APBB1IP: variants seen among roughly 807,000 people sequenced by gnomAD.
APBB1IP encodes amyloid beta A4 precursor protein-binding family B member 1-interacting protein.
Under a neutral mutation model 64.9 loss-of-function variants are expected in APBB1IP, and 27 were observed. The ratio of observed to expected loss-of-function variants is 0.42; its 90% CI spans 0.31 to 0.57. The LOEUF is 0.57. Among genes scored for constraint, APBB1IP ranks in the 20% least tolerant of loss-of-function variants. The pLI is 0.20. For synonymous variants in APBB1IP, 392 were observed against 331.0 expected, an observed-to-expected ratio of 1.18 and a Z score of -2.00; for missense variants, 812 against 845.5, an observed-to-expected ratio of 0.96 and a Z score of 0.49.
In APBB1IP at chr10:26,523,020, A is replaced by C. The variant is rs533733085; in HGVS notation, c.813+9360A>C. On this transcript the variant is annotated intron_variant, in intron 8 of 14. Coordinates refer to ENST00000376236, the MANE Select transcript of APBB1IP (RefSeq NM_019043.4). ...ATGAAACTCCATCTCCAAAAAAAAA[A>C]AAAAAAAAAAAACCAAGAAAAAAAC... 1.8e-3 allele frequency among the ~76,000 whole-genome samples: 276 copies of C among 151,536 alleles called. 1 individual carries two copies. Among genetic ancestry groups the C allele is most frequent in the African/African-American group, 6.1e-3 (251 of 41,364 alleles).
intron 13 of APBB1IP, 140 bp from the exon 14 acceptor site, chr10:26,562,186 T>TTA (rs1836981470): frequency 4.6e-6 from 3 of 658,592 alleles, no homozygotes. Flanking sequence ...TTGTTTTTAT[T>TTA]TTTGTTTTTT....
intron 9 of APBB1IP, among the ~76,000 whole-genome samples, chr10:26,533,828 A>T (rs1312616009): frequency 6.6e-6 from 1 of 152,092 alleles, no homozygotes; most frequent in Non-Finnish European, 1.5e-5. Flanking sequence ...TCAGACGTAA[A>T]AATTTCCAAA....
At chr10:26,475,082 G>A (rs182640806) in intron 2 of APBB1IP, among the ~76,000 whole-genome samples, 87 of 151,876 alleles carry the variant, frequency 5.7e-4, no homozygotes, top group African/African-American at 1.9e-3. Context: ...TTTGACTCTC[G>A]CTGATGTGTC....
At chr10:26,450,333 G>C (rs944297816) in intron 2 of APBB1IP, among the ~76,000 whole-genome samples, 3 of 152,120 alleles carry the variant, frequency 2.0e-5, no homozygotes, top group Non-Finnish European at 4.4e-5. Flanking sequence ...CCCCCTAGAA[G>C]TTACCATTGA....
At chr10:26,521,172 C>G (rs2132453045) in intron 8 of APBB1IP, among the ~76,000 whole-genome samples, 1 of 152,220 alleles carries the variant, frequency 6.6e-6, no homozygotes, top group East Asian at 1.9e-4. Flanking sequence ...AGCTTCACTC[C>G]CAAGAGGTGG....
chr10:26,452,022 C>T (rs2992260), intron 2 of APBB1IP, among the ~76,000 whole-genome samples: 151,824 of 152,348 alleles, frequency 1, 75,655 homozygotes, highest in Middle Eastern at 1. Context: ...CCCTTTGTGC[C>T]GTATATGGTG....
intron 2 of APBB1IP, among the ~76,000 whole-genome samples, chr10:26,441,364 T>G (rs929798896): frequency 6.6e-6 from 1 of 152,200 alleles, no homozygotes; most frequent in Non-Finnish European, 1.5e-5. Flanking sequence ...TCATTAGATT[T>G]CTCTTGAAAA....
At chr10:26,496,189 A>G in intron 3 of APBB1IP, 115 bp from the exon 4 acceptor site, 1 of 684,314 alleles carries the variant, frequency 1.5e-6, no homozygotes, top group Non-Finnish European at 2.4e-6. Flanking sequence ...TTTTCAGAGA[A>G]CACACTAAGG....
At chr10:26,468,634 T>C (rs1257049410) in intron 2 of APBB1IP, among the ~76,000 whole-genome samples, 1 of 152,118 alleles carries the variant, frequency 6.6e-6, no homozygotes, top group Non-Finnish European at 1.5e-5. Context: ...ATTGCGGTTT[T>C]CACAATTAAG....
intron 2 of APBB1IP, among the ~76,000 whole-genome samples, chr10:26,443,110 T>C (rs1461706789): frequency 6.6e-6 from 1 of 152,128 alleles, no homozygotes; most frequent in East Asian, 1.9e-4. Context: ...AGTAAAGAAC[T>C]ATGAGTTTTA....
At chr10:26,496,199 G>A in intron 3 of APBB1IP, 105 bp from the exon 4 acceptor site, 1 of 818,466 alleles carries the variant, frequency 1.2e-6, no homozygotes, top group Non-Finnish European at 2.0e-6. Context: ...ACACACTAAG[G>A]GAGAAAATGT....
chr10:26,461,217 GA>G (rs1481656079), intron 2 of APBB1IP, among the ~76,000 whole-genome samples: 7 of 151,938 alleles, frequency 4.6e-5, no homozygotes, highest in Non-Finnish European at 8.8e-5. Flanking sequence ...AGGAAGGAAG[GA>G]AAAACTTTTT....
At chr10:26,473,038 T>C (rs1456341851) in intron 2 of APBB1IP, among the ~76,000 whole-genome samples, 2 of 152,204 alleles carry the variant, frequency 1.3e-5, no homozygotes, top group Admixed American at 6.5e-5. Context: ...TCTTCACTTC[T>C]TTACATTGAC....
In APBB1IP at chr10:26,500,884, A is replaced by T; in HGVS notation, c.226A>T (p.Ser76Cys). 1.2e-6 allele frequency: 2 copies of T among 1,614,222 alleles called. No homozygotes were observed. Among genetic ancestry groups the T allele is most frequent in the African/African-American group, 1.3e-5 (1 of 75,056 alleles). The change falls in exon 5 of 15, where the codon AGT (serine) becomes TGT (cysteine). Residue 76 changes from serine to cysteine, a missense_variant. This residue lies in a region of APBB1IP where 394 missense variants were observed against 413.1 expected (regional missense o/e 0.95). Coordinates refer to ENST00000376236, the MANE Select transcript of APBB1IP (RefSeq NM_019043.4). ...CATGGCAGATCTGGTAGCAGACATA[A>T]GTGAGGCTGAGCAGAGGACAATCCA... ...ALMADLVADI[S>C]EAEQRTIQAQ...
rs1423131499 is a variant in APBB1IP at position 26,564,802 on chromosome 10, CA to C, written c.1474-2152del. On this transcript the variant is annotated intron_variant, in intron 14 of 14. Coordinates refer to ENST00000376236, the MANE Select transcript of APBB1IP (RefSeq NM_019043.4). Reference sequence around the variant, plus strand: ...GTGGTGACAGAACGAGACTCTGCCTCAAAAAAATAAAAATAAAAATAAAAAT... The same window carrying C: ...GTGGTGACAGAACGAGACTCTGCCTCAAAAAATAAAAATAAAAATAAAAAT... Among the ~76,000 whole-genome samples, 5 of 149,732 alleles carry C rather than the reference CA, an allele frequency of 3.3e-5. No homozygotes were observed. The South Asian group carries it at 1.1e-3, about 32-fold the overall frequency.
intron 2 of APBB1IP, among the ~76,000 whole-genome samples, chr10:26,459,224 A>T: frequency 6.6e-6 from 1 of 151,460 alleles, no homozygotes. Flanking sequence ...TTTACTGAGA[A>T]TGATGATTTC....
intron 2 of APBB1IP, among the ~76,000 whole-genome samples, chr10:26,441,739 G>A (rs747552799): frequency 9.2e-5 from 14 of 152,086 alleles, no homozygotes; most frequent in African/African-American, 1.9e-4. Flanking sequence ...GCTTGATTCC[G>A]TGACTCAGTT....
chr10:26,513,142 A>G (rs934053098), intron 7 of APBB1IP, among the ~76,000 whole-genome samples: 1 of 152,212 alleles, frequency 6.6e-6, no homozygotes, highest in Non-Finnish European at 1.5e-5. Context: ...GTCTCTGGGT[A>G]CACTGGCATA....
chr10:26,457,679 C>T (rs1835542351), intron 2 of APBB1IP, among the ~76,000 whole-genome samples: 1 of 152,196 alleles, frequency 6.6e-6, no homozygotes, highest in African/African-American at 2.4e-5. Context: ...TGCATTTAAA[C>T]CACCGGTAGG....
Sources: gnomAD v4.1 joint callset for allele counts (sites outside exome capture counted in the v4.1 genomes callset) on GRCh38, gnomAD v4.1.1 for gene constraint, gnomAD v4.1.1 regional missense constraint, MANE v1.5 for transcripts, NCBI Gene and HGNC (gene_info 2026-07-23, HGNC 2026-07-21) for gene names.